PCNT: variants seen among roughly 807,000 people sequenced by gnomAD.
The protein encoded by PCNT is kendrin.
A neutral mutation model predicts 380.4 loss-of-function variants in PCNT; 319 were observed. The ratio of observed to expected loss-of-function variants is 0.84; its 90% CI spans 0.77 to 0.92. The LOEUF (loss-of-function observed/expected upper bound fraction) is 0.92. Ranked by LOEUF, PCNT falls within the 40% of genes least tolerant of loss-of-function variation. The pLI, the probability that PCNT is intolerant of heterozygous loss-of-function variation, is 0.00. For missense variants in PCNT, 4,400 were observed against 4,255.3 expected (o/e 1.03, Z -0.95); for synonymous variants, 1,845 against 1,735.2 (o/e 1.06, Z -1.57).
intron 30 of PCNT, among the ~76,000 whole-genome samples, chr21:46,417,764 C>T (rs1438938244): frequency 6.6e-6 from 1 of 151,934 alleles, no homozygotes; most frequent in Admixed American, 6.6e-5. Context: ...ATTAGCTGGG[C>T]GTGCTGGTGC....
chr21:46,379,197 T>C (rs1008028730), intron 15 of PCNT, among the ~76,000 whole-genome samples: 1 of 152,238 alleles, frequency 6.6e-6, no homozygotes, highest in Non-Finnish European at 1.5e-5. Context: ...CCTTCAGTGC[T>C]GCGTGGGCTC....
rs185666041 is a variant in PCNT at position 46,419,860 on chromosome 21, C to A, written c.7024+1554C>A. ...TACTCAAGTCATCCTCCCACCTTAG[C>A]CTCCCAAAGTGCTGGGATTACAGGC... On this transcript the variant is annotated intron_variant, in intron 31 of 46. Transcript: ENST00000359568. 3.9e-4 allele frequency among the ~76,000 whole-genome samples: 60 copies of A among 152,346 alleles called. 2 individuals carry two copies. The East Asian group carries it at 0.011, about 27-fold the overall frequency.
chr21:46,430,866 C>G (rs957745554), intron 37 of PCNT: 11 of 985,298 alleles, frequency 1.1e-5, no homozygotes, highest in Non-Finnish European at 1.3e-5. Flanking sequence ...TGCGATGACC[C>G]GTGGTGGCAC....
chr21:46,439,769 G>T (rs1162750030), intron 41 of PCNT, among the ~76,000 whole-genome samples: 1 of 152,140 alleles, frequency 6.6e-6, no homozygotes, highest in Non-Finnish European at 1.5e-5. Flanking sequence ...AGTGTTTAAG[G>T]CTTAAAGCTT....
In PCNT at chr21:46,383,956, A is replaced by G. The variant is rs560225178; in HGVS notation, c.3313-1876A>G. Among the ~76,000 whole-genome samples the G allele has an allele frequency of 1.1e-4, 14 of 126,712 alleles. 1 individual carries two copies. The highest frequency in any genetic ancestry group is 2.4e-4 in the African/African-American group (8 of 33,964). 83.1% of individuals were successfully genotyped at this position (126,712 alleles called of 152,430 possible). A position where few individuals can be genotyped will look rare whatever the true frequency, so the allele number is the denominator to read the frequency against. On this transcript the variant is annotated intron_variant, in intron 16 of 46. Transcript: ENST00000359568. ...GGCAGAAGCGCATTCACAGTGTTGT[A>G]TATTCAGTGGCGGAAGCGCATTCAC...
At chr21:46,399,306 T>TGCAGCCTGTAGGTCTACGTCTCCA (rs1569252798) in intron 24 of PCNT, among the ~76,000 whole-genome samples, 1 of 55,060 alleles carries the variant, frequency 1.8e-5, no homozygotes, top group Non-Finnish European at 3.7e-5. Flanking sequence ...CTGGGTCTCT[T>TGCAGCCTGTAGGTCTACGTCTCCA]TTCAGCCTGT....
chr21:46,418,882 C>G (rs533383578), intron 31 of PCNT, among the ~76,000 whole-genome samples: 1 of 152,228 alleles, frequency 6.6e-6, no homozygotes, highest in Non-Finnish European at 1.5e-5. Context: ...GCGGGAGGTG[C>G]GTGGGCTTGA....
At position 46,440,874 on chromosome 21, in the gene PCNT, A is replaced by C. The variant is rs1398669542; in HGVS notation, c.9413A>C (p.His3138Pro). ...SNVKMEKLYLHYLRAESFRKA... is the reference protein window; with the variant it reads ...SNVKMEKLYLPYLRAESFRKA... ...TTTTAGATGGAAAAATTGTACCTGC[A>C]TTACTTGAGAGCAGAGAGCTTTAGA... Residue 3138 changes from histidine to proline, a missense_variant, in exon 43 of 47, where the codon CAT becomes CCT. Coordinates refer to ENST00000359568, the MANE Select transcript of PCNT (RefSeq NM_006031.6). 1 of 1,609,386 alleles carries C rather than the reference A, an allele frequency of 6.2e-7. No individual in the cohort carries two copies. Among genetic ancestry groups the C allele is most frequent in the African/African-American group, 1.3e-5 (1 of 74,834 alleles).
chr21:46,442,627 T>C lies in PCNT; in HGVS notation c.9700+54T>C, dbSNP rs1360754262. On this transcript the variant is annotated intron_variant, in intron 44 of 46. Coordinates refer to ENST00000359568, the MANE Select transcript of PCNT (RefSeq NM_006031.6). ...GACTCACAAACCTTTCTTTCTACTC[T>C]TGTTTTTCATTCACTTTGGGTCATT... 8 of 1,086,988 alleles carry C rather than the reference T, an allele frequency of 7.4e-6. No individual in the cohort carries two copies. The African/African-American group carries it at 1.1e-4, about 15-fold the overall frequency. The allele number at this position is 1,086,988 out of a possible 1,614,324, so 67.3% of individuals were successfully genotyped here.
At chr21:46,428,207 C>T (rs1026793563) in intron 34 of PCNT, among the ~76,000 whole-genome samples, 188 bp from the exon 35 acceptor site, 4 of 152,226 alleles carry the variant, frequency 2.6e-5, no homozygotes, top group African/African-American at 7.2e-5. Flanking sequence ...GCAGGCCTCA[C>T]GCAGGGTAGT....
At position 46,440,908 on chromosome 21, in the gene PCNT, G is replaced by C. The variant is rs759952453; in HGVS notation, c.9447G>C (p.Leu3149=). Residue 3149 remains leucine, a synonymous_variant, in exon 43 of 47, where the codon CTG becomes CTC. Coordinates refer to ENST00000359568, the MANE Select transcript of PCNT (RefSeq NM_006031.6). ...GAGCAGAGAGCTTTAGAAAAGCTCT[G>C]ATTTATCAAAAGAAGTATCTTTTGC... is the stretch of plus-strand genomic sequence containing the variant. ...YLRAESFRKA[L]IYQKKYLLLL... is the part of the protein sequence containing the mutation. 6.2e-7 allele frequency: 1 copy of C among 1,613,788 alleles called. No homozygotes were observed. The highest frequency in any genetic ancestry group is 1.1e-5 in the South Asian group (1 of 91,070).
chr21:46,422,227 C>A, intron 32 of PCNT, 103 bp downstream of exon 32: 1 of 1,438,100 alleles, frequency 7.0e-7, no homozygotes, highest in Non-Finnish European at 9.6e-7. Context: ...GGAGGGCCAG[C>A]TTTTCCTGGG....
intron 33 of PCNT, 106 bp downstream of exon 33, chr21:46,426,077 T>TC (rs34739319): frequency 0.011 from 10,825 of 970,578 alleles, 471 homozygotes; most frequent in East Asian, 0.023. Flanking sequence ...TTCTTTTTTT[T>TC]TTTTTTTTTT....
intron 2 of PCNT, among the ~76,000 whole-genome samples, chr21:46,330,005 A>C (rs2083507273): frequency 6.6e-6 from 1 of 152,220 alleles, no homozygotes; most frequent in Admixed American, 6.5e-5. Context: ...TGGCTCTAAA[A>C]TGGTGGGCAA....
intron 15 of PCNT, among the ~76,000 whole-genome samples, chr21:46,379,392 TC>T (rs1170054224): frequency 6.6e-6 from 1 of 152,244 alleles, no homozygotes; most frequent in Non-Finnish European, 1.5e-5. Flanking sequence ...TCAAGCTTTG[TC>T]CTGAACCCTG....
chr21:46,400,611 C>G (rs534991511), intron 25 of PCNT, among the ~76,000 whole-genome samples: 2 of 137,896 alleles, frequency 1.5e-5, no homozygotes, highest in African/African-American at 2.6e-5. Context: ...CTCCTCCTCC[C>G]GGGTTCAAGC....
In PCNT at chr21:46,428,610, C is replaced by T; in HGVS notation, c.7690+20C>T. On this transcript the variant is annotated intron_variant, in intron 35 of 46. Coordinates refer to ENST00000359568, the MANE Select transcript of PCNT (RefSeq NM_006031.6). ...GGCAGGGTGGGTGTCACTGTCTACA[C>T]TGCCTGGGGCCCGGCCTCTGCACCT... The T allele has an allele frequency of 6.3e-7, 1 of 1,577,738 alleles. No homozygotes were observed. Among genetic ancestry groups the T allele is most frequent in the Non-Finnish European group, 8.6e-7 (1 of 1,168,746 alleles).
At chr21:46,326,657 A>G (rs997107823) in intron 2 of PCNT, 68 bp downstream of exon 2, 9 of 1,498,288 alleles carry the variant, frequency 6.0e-6, no homozygotes, top group Non-Finnish European at 9.3e-7. Context: ...GTGATTTACT[A>G]AAGATGGTCT....
chr21:46,380,712 C>T (rs1004541709), intron 15 of PCNT, among the ~76,000 whole-genome samples: 3 of 152,138 alleles, frequency 2.0e-5, no homozygotes, highest in Non-Finnish European at 2.9e-5. Flanking sequence ...AAACACTCTT[C>T]GGATGATTGC....
Sources: gnomAD v4.1 joint callset for allele counts (sites outside exome capture counted in the v4.1 genomes callset) on GRCh38, gnomAD v4.1.1 for gene constraint, MANE v1.5 for transcripts, NCBI Gene and HGNC (gene_info 2026-07-23, HGNC 2026-07-21) for gene names.